The following UGT1A6 variants were observed in gnomAD, a reference collection of about 807,000 sequenced individuals.
UGT1A6 encodes UDP glucuronosyltransferase family 1 member A6.
UGT1A6 carries 32 observed loss-of-function variants against 44.4 expected under a neutral mutation model. The observed-to-expected ratio is 0.72, with a 90% CI of 0.54 to 0.97. The LOEUF (loss-of-function observed/expected upper bound fraction) is 0.97, where lower values mean the gene tolerates loss of function less well. Ranked by LOEUF, UGT1A6 falls within the 50% of genes least tolerant of loss-of-function variation. The pLI is 0.00. For synonymous variants in UGT1A6, 238 were observed against 248.5 expected, an observed-to-expected ratio of 0.96 and a Z score of 0.40; for missense variants, 685 against 661.9, an observed-to-expected ratio of 1.03 and a Z score of -0.38.
intron 1 of UGT1A6, among the ~76,000 whole-genome samples, chr2:233,700,016 G>A (rs1422115779): frequency 4.6e-5 from 7 of 152,224 alleles, no homozygotes; most frequent in African/African-American, 1.7e-4. Context: ...CACGAGTGCT[G>A]AAATTGAGAA....
intron 1 of UGT1A6, among the ~76,000 whole-genome samples, chr2:233,697,691 T>A (rs568547082): frequency 1.3e-5 from 2 of 152,252 alleles, no homozygotes; most frequent in African/African-American, 4.8e-5. Flanking sequence ...TTTCTGCTTT[T>A]TGGATGTAGG....
chr2:233,729,495 C>T, intron 1 of UGT1A6: 1 of 1,614,190 alleles, frequency 6.2e-7, no homozygotes, highest in Non-Finnish European at 8.5e-7. Flanking sequence ...TGTCTTTGGT[C>T]TATCATAGGT....
At chr2:233,692,597 A>T (rs1335313485), upstream of UGT1A6, among the ~76,000 whole-genome samples, 3 of 152,220 alleles carry the variant, frequency 2.0e-5, no homozygotes, top group African/African-American at 7.2e-5. Context: ...TCCGTGTGCA[A>T]GAAAAATTCC....
At chr2:233,736,010 G>A (rs1165111643) in intron 1 of UGT1A6, among the ~76,000 whole-genome samples, 2 of 152,178 alleles carry the variant, frequency 1.3e-5, no homozygotes, top group East Asian at 1.9e-4. Flanking sequence ...TTCTCGAGGA[G>A]TATCTTTGTG....
Position 233,713,643 on chromosome 2 carries a change from C to G in UGT1A6, c.861+19778C>G, listed in dbSNP as rs149715967. On this transcript the variant is annotated intron_variant, in intron 1 of 4. Transcript: ENST00000305139. ...AAGGGTCAAGAACATGCTCTACCCTCTGGCCCTGTCCTACCTTTGCCATGC... is the reference window on the plus strand; with the variant it reads ...AAGGGTCAAGAACATGCTCTACCCTGTGGCCCTGTCCTACCTTTGCCATGC... 717 of 1,613,992 alleles carry G rather than the reference C, an allele frequency of 4.4e-4. 2 individuals are homozygous for G. The highest frequency in any genetic ancestry group is 1.7e-3 in the South Asian group (154 of 91,058).
intron 1 of UGT1A6, among the ~76,000 whole-genome samples, chr2:233,711,138 C>G (rs1200151642): frequency 1.3e-5 from 2 of 152,230 alleles, no homozygotes; most frequent in Non-Finnish European, 2.9e-5. Flanking sequence ...AAGCTGATGC[C>G]TTGGGCTGCT....
chr2:233,707,789 G>A (rs2075987788), intron 1 of UGT1A6, among the ~76,000 whole-genome samples: 1 of 152,152 alleles, frequency 6.6e-6, no homozygotes, highest in African/African-American at 2.4e-5. Flanking sequence ...ATACCTAGGG[G>A]TGGAGCTGCT....
Position 233,772,730 on chromosome 2 carries a change from C to A in UGT1A6, c.*171C>A. Reference sequence around the variant, plus strand: ...CTCTTAAATAAAAATAATAGACTCGCTAGTCAGTAAAGATATTTGAATATG... The same window carrying A: ...CTCTTAAATAAAAATAATAGACTCGATAGTCAGTAAAGATATTTGAATATG... On this transcript the variant is annotated 3_prime_UTR_variant, in exon 5 of 5. Transcript: ENST00000305139. 1 of 1,445,162 alleles carries A rather than the reference C, an allele frequency of 6.9e-7. No homozygotes were observed. The highest frequency in any genetic ancestry group is 9.1e-7 in the Non-Finnish European group (1 of 1,100,576). The allele number at this position is 1,445,162 out of a possible 1,614,324, so 89.5% of individuals were successfully genotyped here.
At chr2:233,729,075 G>A (rs2077785195) in intron 1 of UGT1A6, 2 of 1,611,914 alleles carry the variant, frequency 1.2e-6, no homozygotes, top group East Asian at 2.2e-5. Flanking sequence ...GAAAGCAAAT[G>A]TAGCAGGCAC....
chr2:233,772,579 G>A lies in UGT1A6; in HGVS notation c.*20G>A. ...CATTGAGAAGTGGGTGGGAAATAAG[G>A]TAAAATTTTGAACCATTCCCTAGTC... On this transcript the variant is annotated 3_prime_UTR_variant, in exon 5 of 5. Transcript: ENST00000305139. The A allele has an allele frequency of 6.2e-7, 1 of 1,608,678 alleles. No homozygotes were observed. Among genetic ancestry groups the A allele is most frequent in the Non-Finnish European group, 8.5e-7 (1 of 1,177,120 alleles).
chr2:233,724,339 G>A (rs2077227774), intron 1 of UGT1A6, among the ~76,000 whole-genome samples: 2 of 142,766 alleles, frequency 1.4e-5, no homozygotes, highest in African/African-American at 5.3e-5. Flanking sequence ...GCGGGGGGCT[G>A]ACCCCCCCCA....
At chr2:233,738,344 C>T (rs187057968) in intron 1 of UGT1A6, among the ~76,000 whole-genome samples, 43 of 152,222 alleles carry the variant, frequency 2.8e-4, no homozygotes, top group African/African-American at 1.0e-3. Flanking sequence ...AAATTGGTGT[C>T]ATGGAGAGTG....
At chr2:233,736,701 G>T (rs1378628991) in intron 1 of UGT1A6, among the ~76,000 whole-genome samples, 1 of 152,172 alleles carries the variant, frequency 6.6e-6, no homozygotes, top group Non-Finnish European at 1.5e-5. Context: ...ATGGGGTTTT[G>T]GTGTAGATGT....
intron 1 of UGT1A6, among the ~76,000 whole-genome samples, chr2:233,723,552 T>G (rs1350574557): frequency 7.9e-6 from 1 of 126,806 alleles, no homozygotes; most frequent in Non-Finnish European, 1.6e-5. Flanking sequence ...ATTTTTTTAT[T>G]GATAATTCTT....
rs1700543708 is a variant in UGT1A6 at position 233,772,722 on chromosome 2, T to TA, written c.*164dup. On this transcript the variant is annotated 3_prime_UTR_variant, in exon 5 of 5. Transcript: ENST00000305139. ...AAAAAATTCTCTTAAATAAAAATAA[T>TA]AGACTCGCTAGTCAGTAAAGATATT... 1 of 1,454,026 alleles carries TA rather than the reference T, an allele frequency of 6.9e-7. No homozygotes were observed. The highest frequency in any genetic ancestry group is 9.0e-7 in the Non-Finnish European group (1 of 1,106,108). The allele number at this position is 1,454,026 out of a possible 1,614,324, so 90.1% of individuals were successfully genotyped here. A position where few individuals can be genotyped will look rare whatever the true frequency, so the allele number is the denominator to read the frequency against.
intron 1 of UGT1A6, among the ~76,000 whole-genome samples, chr2:233,742,134 C>G (rs1691883024): frequency 6.6e-6 from 1 of 151,870 alleles, no homozygotes; most frequent in African/African-American, 2.4e-5. Flanking sequence ...AGACCCTAAC[C>G]CAGCAGCGCT....
chr2:233,757,450 T>C (rs1696530836), intron 1 of UGT1A6, among the ~76,000 whole-genome samples: 1 of 150,428 alleles, frequency 6.6e-6, no homozygotes, highest in African/African-American at 2.5e-5. Context: ...TACAGAAACA[T>C]GTCCAGAGCG....
intron 4 of UGT1A6, among the ~76,000 whole-genome samples, chr2:233,768,799 G>C (rs1295681406): frequency 6.6e-6 from 1 of 151,984 alleles, no homozygotes; most frequent in Admixed American, 6.6e-5. Flanking sequence ...TGTCAGGCTG[G>C]TCTTGAACTC....
intron 1 of UGT1A6, chr2:233,752,588 C>T (rs1160790573): frequency 1.3e-5 from 2 of 152,108 alleles, no homozygotes; most frequent in African/African-American, 4.8e-5. Flanking sequence ...CCCATCTCTA[C>T]AAGATTTTTT....
Sources: allele counts gnomAD v4.1 joint callset (sites outside exome capture counted in the v4.1 genomes callset), GRCh38; gene constraint gnomAD v4.1.1; transcripts MANE v1.5; gene names NCBI Gene and HGNC (gene_info 2026-07-23, HGNC 2026-07-21).